The following PTPRM variants were observed in gnomAD, a reference collection of about 807,000 sequenced individuals.
PTPRM encodes receptor-type tyrosine-protein phosphatase mu.
Under a neutral mutation model 186.7 loss-of-function variants are expected in PTPRM, and 47 were observed. That is an observed-to-expected ratio of 0.25 (90% CI 0.20 to 0.32). The LOEUF (loss-of-function observed/expected upper bound fraction) is 0.32, where lower values mean the gene tolerates loss of function less well. Among genes scored for constraint, PTPRM ranks in the 10% least tolerant of loss-of-function variants. The pLI is 1.00. For synonymous variants in PTPRM, 668 were observed against 674.9 expected (o/e 0.99, Z 0.16); for missense variants, 1,494 against 1,865.0 (o/e 0.80, Z 3.66).
At chr18:8,023,831 G>GACACAC (rs71354587) in intron 7 of PTPRM, among the ~76,000 whole-genome samples, 2,577 of 110,232 alleles carry the variant, frequency 0.023, 85 homozygotes, top group African/African-American at 0.072. Flanking sequence ...ATTATCAGAA[G>GACACAC]ACACACACAC....
chr18:8,073,959 G>A (rs990555432), intron 8 of PTPRM, among the ~76,000 whole-genome samples: 1 of 152,084 alleles, frequency 6.6e-6, no homozygotes, highest in Admixed American at 6.6e-5. Flanking sequence ...AGGCAAATGT[G>A]ACCTAAAGAG....
intron 1 of PTPRM, among the ~76,000 whole-genome samples, chr18:7,639,745 CA>C (rs1207151363): frequency 1.3e-5 from 2 of 152,156 alleles, no homozygotes; most frequent in African/African-American, 4.8e-5. Context: ...ATATGGTGAA[CA>C]AGCAGATATC....
chr18:7,859,684 G>C (rs1179439683), intron 2 of PTPRM, among the ~76,000 whole-genome samples: 1 of 152,238 alleles, frequency 6.6e-6, no homozygotes, highest in Non-Finnish European at 1.5e-5. Context: ...AGTCAGAAAT[G>C]GGGGTTGAGG....
chr18:7,782,082 A>C (rs1254248577), intron 2 of PTPRM, among the ~76,000 whole-genome samples: 1 of 152,236 alleles, frequency 6.6e-6, no homozygotes, highest in African/African-American at 2.4e-5. Context: ...CAGCAGTTTC[A>C]AAATTACAAA....
At chr18:8,024,578 AT>A (rs1310335025) in intron 7 of PTPRM, among the ~76,000 whole-genome samples, 7 of 151,652 alleles carry the variant, frequency 4.6e-5, no homozygotes, top group African/African-American at 1.7e-4. Context: ...ATAGGTGACC[AT>A]TTTGCACTTC....
chr18:7,956,796 C>A (rs7240582), intron 7 of PTPRM, among the ~76,000 whole-genome samples: 5 of 152,024 alleles, frequency 3.3e-5, no homozygotes, highest in Admixed American at 2.0e-4. Flanking sequence ...TTTTATCTTA[C>A]CATTTGTTGC....
At chr18:8,397,277 T>C (rs1433719960) in intron 32 of PTPRM, among the ~76,000 whole-genome samples, 3 of 152,214 alleles carry the variant, frequency 2.0e-5, no homozygotes, top group Non-Finnish European at 4.4e-5. Context: ...CGCTCTACCC[T>C]CCCTGCCAGG....
At chr18:8,239,393 G>T (rs544750897) in intron 14 of PTPRM, among the ~76,000 whole-genome samples, 1 of 152,166 alleles carries the variant, frequency 6.6e-6, no homozygotes. Context: ...ACTTACCAGT[G>T]CTTCTTGCTG....
chr18:7,659,410 C>T (rs1373271713), intron 1 of PTPRM, among the ~76,000 whole-genome samples: 1 of 152,174 alleles, frequency 6.6e-6, no homozygotes, highest in Non-Finnish European at 1.5e-5. Context: ...TACAGCATCA[C>T]CACAATTCAT....
intron 21 of PTPRM, among the ~76,000 whole-genome samples, chr18:8,315,961 T>C (rs1027762831): frequency 6.6e-6 from 1 of 152,238 alleles, no homozygotes; most frequent in Non-Finnish European, 1.5e-5. Flanking sequence ...GTTCCATTTA[T>C]TTTTTATTAA....
intron 11 of PTPRM, among the ~76,000 whole-genome samples, chr18:8,103,270 TCTC>T (rs1488150173): frequency 6.6e-6 from 1 of 152,180 alleles, no homozygotes; most frequent in African/African-American, 2.4e-5. Flanking sequence ...GACATTGACT[TCTC>T]CTCTTCAGCT....
chr18:8,184,996 T>G (rs2093623675), intron 14 of PTPRM, among the ~76,000 whole-genome samples: 1 of 152,206 alleles, frequency 6.6e-6, no homozygotes. Context: ...AAGTATAATC[T>G]AACTATCTTG....
At chr18:8,320,350 GGGT>G (rs1467257730) in intron 22 of PTPRM, among the ~76,000 whole-genome samples, 1 of 152,106 alleles carries the variant, frequency 6.6e-6, no homozygotes, top group East Asian at 1.9e-4. Flanking sequence ...GATTGAGGCT[GGGT>G]CCCATTGATG....
At chr18:8,268,551 A>G (rs1030817449) in intron 19 of PTPRM, among the ~76,000 whole-genome samples, 1 of 152,098 alleles carries the variant, frequency 6.6e-6, no homozygotes, top group Non-Finnish European at 1.5e-5. Flanking sequence ...AAAGTTGAAG[A>G]TGAGAAAACA....
At position 8,380,322 on chromosome 18, in the gene PTPRM, A is replaced by G; in HGVS notation, c.3813A>G (p.Ile1271Met). 1 of 1,613,944 alleles carries G rather than the reference A, an allele frequency of 6.2e-7. No homozygotes were observed. The highest frequency in any genetic ancestry group is 8.5e-7 in the Non-Finnish European group (1 of 1,179,752). The change falls in exon 29 of 33, where the codon ATA (isoleucine) becomes ATG (methionine). Residue 1271 changes from isoleucine (I) to methionine (M), a missense_variant. This residue lies in a region of PTPRM where 1,107 missense variants were observed against 1,350.2 expected (regional missense o/e 0.82). Coordinates refer to ENST00000580170, the MANE Select transcript of PTPRM (RefSeq NM_001105244.2). ...MDSYKQPSAF[I>M]VTQHPLPNTV... is the part of the protein sequence containing the mutation. ...GCTATAAACAGCCTTCAGCTTTTAT[A>G]GTCACCCAGCATCCTTTGCCAAACA...
intron 20 of PTPRM, among the ~76,000 whole-genome samples, chr18:8,306,286 C>T (rs1247166865): frequency 6.6e-6 from 1 of 152,104 alleles, no homozygotes; most frequent in East Asian, 1.9e-4. Context: ...CCCAGAACTC[C>T]TAGGAAAGTA....
At chr18:8,048,268 AT>A (rs2148235439) in intron 7 of PTPRM, among the ~76,000 whole-genome samples, 1 of 152,286 alleles carries the variant, frequency 6.6e-6, no homozygotes, top group South Asian at 2.1e-4. Context: ...ACTGCTCTTT[AT>A]TAAGGAGCAA....
chr18:8,030,427 A>G (rs1403994970), intron 7 of PTPRM, among the ~76,000 whole-genome samples: 2 of 152,096 alleles, frequency 1.3e-5, no homozygotes, highest in African/African-American at 2.4e-5. Flanking sequence ...TTCCCTCATC[A>G]TGGTCCGTCA....
intron 7 of PTPRM, among the ~76,000 whole-genome samples, chr18:7,958,406 G>T (rs2053458261): frequency 6.6e-6 from 1 of 152,100 alleles, no homozygotes; most frequent in African/African-American, 2.4e-5. Context: ...ATCAGGATAG[G>T]AAAGGATGTG....
Sources: allele counts gnomAD v4.1 joint callset (sites outside exome capture counted in the v4.1 genomes callset), GRCh38; gene constraint gnomAD v4.1.1; regional missense constraint gnomAD v4.1.1; transcripts MANE v1.5; gene names NCBI Gene and HGNC (gene_info 2026-07-23, HGNC 2026-07-21).